The following DEPDC5 variants were observed in gnomAD, a reference collection of about 807,000 sequenced individuals.
DEPDC5 encodes GATOR1 complex protein DEPDC5.
DEPDC5 carries 73 observed loss-of-function variants against 217.3 expected under a neutral mutation model. That is an observed-to-expected ratio of 0.34 (90% confidence interval 0.28 to 0.41). DEPDC5 has a LOEUF of 0.41. Ranked by LOEUF, DEPDC5 falls within the 10% of genes least tolerant of loss-of-function variation. The probability of loss-of-function intolerance (pLI) is 1.00; values close to 1 mark genes in which losing one functional copy is unlikely to be tolerated. For synonymous variants in DEPDC5, 733 were observed against 756.7 expected, an observed-to-expected ratio of 0.97 and a Z score of 0.51; for missense variants, 1,675 against 2,070.1, an observed-to-expected ratio of 0.81 and a Z score of 3.70.
chr22:31,870,865 C>T (rs997938623), intron 34 of DEPDC5, 121 bp downstream of exon 34: 58 of 1,145,488 alleles, frequency 5.1e-5, no homozygotes, highest in Admixed American at 7.5e-5. Context: ...AAGTCACATG[C>T]GACCCTGGGC....
intron 27 of DEPDC5, among the ~76,000 whole-genome samples, chr22:31,841,364 GA>G (rs1294175116): frequency 1.3e-5 from 2 of 152,220 alleles, no homozygotes; most frequent in East Asian, 3.8e-4. Context: ...TCTCAGAGCT[GA>G]ATGAGTGTTA....
At position 31,879,636 on chromosome 22, in the gene DEPDC5, C is replaced by CT; in HGVS notation, c.3918dup (p.Glu1307Ter). 1 of 1,614,130 alleles carries CT rather than the reference C, an allele frequency of 6.2e-7. No individual in the cohort carries two copies. Among genetic ancestry groups the CT allele is most frequent in the Non-Finnish European group, 8.5e-7 (1 of 1,180,028 alleles). On this transcript the variant is annotated frameshift_variant, in exon 38 of 43. Coordinates refer to ENST00000651528, the MANE Select transcript of DEPDC5 (RefSeq NM_001242896.3). LOFTEE classifies it high-confidence loss of function. ...TTTGTGGCAGAAGAGCTCGTGCACT[C>CT]TGAGATTCCTGCCTTTCTCCTGCCC... is the stretch of plus-strand genomic sequence containing the variant.
At chr22:31,862,691 G>A (rs2092558352) in intron 33 of DEPDC5, among the ~76,000 whole-genome samples, 1 of 152,214 alleles carries the variant, frequency 6.6e-6, no homozygotes, top group Admixed American at 6.5e-5. Flanking sequence ...CACTGGGAGG[G>A]TAAGGGTTTA....
chr22:31,836,109 CAACCAGGGAGGATTTTCCT>C (rs1437443366), intron 25 of DEPDC5, among the ~76,000 whole-genome samples: 2 of 152,250 alleles, frequency 1.3e-5, no homozygotes, highest in South Asian at 2.1e-4. Context: ...CAGTGAAGCT[CAACCAGGGAGGATTTTCCT>C]AACCAGGGAG....
rs778100280 is a variant in DEPDC5, at chr22:31,804,833, T to C, written c.1144-9T>C. On this transcript the variant is annotated splice_polypyrimidine_tract_variant and intron_variant, in intron 16 of 42. Transcript: ENST00000651528. ...TAGCTTATCTGTGCTCTCATTTTTC[T>C]CCTTGCAGCTCCATAATCGGAGTGC... 29 of 1,613,446 alleles carry C rather than the reference T, an allele frequency of 1.8e-5. No individual in the cohort carries two copies. The highest frequency in any genetic ancestry group is 2.4e-5 in the Non-Finnish European group (28 of 1,179,530).
chr22:31,805,175 A>C, intron 17 of DEPDC5: 4 of 256,410 alleles, frequency 1.6e-5, no homozygotes, highest in South Asian at 1.1e-4. Flanking sequence ...TCTATTCCCA[A>C]CTCCCACAGA....
intron 38 of DEPDC5, among the ~76,000 whole-genome samples, chr22:31,887,777 T>C (rs2093350629): frequency 6.6e-6 from 1 of 152,196 alleles, no homozygotes; most frequent in Admixed American, 6.5e-5. Flanking sequence ...CTCAGCCCTT[T>C]GTGTTAGGAT....
chr22:31,860,753 C>A (rs2092478350), intron 32 of DEPDC5, among the ~76,000 whole-genome samples: 2 of 151,282 alleles, frequency 1.3e-5, no homozygotes, highest in African/African-American at 4.9e-5. Flanking sequence ...CCCCTGTTTG[C>A]TAAAAAAAAA....
At chr22:31,772,518 A>G (rs1476517114) in intron 7 of DEPDC5, among the ~76,000 whole-genome samples, 2 of 152,156 alleles carry the variant, frequency 1.3e-5, no homozygotes. Flanking sequence ...GTTGGTTTAG[A>G]ATATTCTTCT....
chr22:31,897,739 C>CG, intron 40 of DEPDC5, 86 bp downstream of exon 40: 1 of 1,480,678 alleles, frequency 6.8e-7, no homozygotes, highest in Non-Finnish European at 9.1e-7. Flanking sequence ...CCAGTCAACA[C>CG]GGACTAGGGA....
Position 31,879,081 on chromosome 22 carries a change from C to T in DEPDC5, c.3806-444C>T, listed in dbSNP as rs571767007. On this transcript the variant is annotated intron_variant, in intron 37 of 42. Coordinates refer to ENST00000651528, the MANE Select transcript of DEPDC5 (RefSeq NM_001242896.3). ...ATATATATATATACACACACACACA[C>T]GTATATATATATACACATATATATA... Among the ~76,000 whole-genome samples the T allele has an allele frequency of 1.8e-3, 245 of 134,152 alleles. 1 individual carries two copies. The highest frequency in any genetic ancestry group is 7.4e-3 in the African/African-American group (242 of 32,800). 88.0% of individuals were successfully genotyped at this position (134,152 alleles called of 152,430 possible). A position where few individuals can be genotyped will look rare whatever the true frequency, so the allele number is the denominator to read the frequency against.
intron 38 of DEPDC5, among the ~76,000 whole-genome samples, chr22:31,885,684 C>T (rs1043253136): frequency 5.4e-5 from 8 of 147,442 alleles, no homozygotes; most frequent in Admixed American, 3.5e-4. Flanking sequence ...GAGATCATGC[C>T]GCTGCACTCC....
At chr22:31,805,378 C>T (rs977722134) in intron 17 of DEPDC5, among the ~76,000 whole-genome samples, 2 of 152,162 alleles carry the variant, frequency 1.3e-5, no homozygotes, top group African/African-American at 4.8e-5. Flanking sequence ...TGCCTATTTT[C>T]TTCCAAGATC....
chr22:31,883,264 A>C (rs1486256592), intron 38 of DEPDC5, among the ~76,000 whole-genome samples: 1 of 152,150 alleles, frequency 6.6e-6, no homozygotes. Flanking sequence ...TTAGAGCAAA[A>C]CCTGAGAGGC....
intron 33 of DEPDC5, 92 bp from the exon 34 acceptor site, chr22:31,870,498 C>A (rs1007165218): frequency 3.1e-6 from 4 of 1,310,692 alleles, no homozygotes; most frequent in Non-Finnish European, 4.0e-6. Context: ...TTTGTGAATG[C>A]TTACTGAGTG....
intron 33 of DEPDC5, among the ~76,000 whole-genome samples, chr22:31,862,972 G>A (rs559444317): frequency 2.6e-5 from 4 of 151,958 alleles, no homozygotes; most frequent in South Asian, 2.1e-4. Context: ...CAGCCTCAGC[G>A]TCCCAAGTAG....
chr22:31,778,910 C>A (rs961295155), intron 8 of DEPDC5, among the ~76,000 whole-genome samples: 4 of 152,152 alleles, frequency 2.6e-5, no homozygotes, highest in Non-Finnish European at 5.9e-5. Flanking sequence ...TTGGTTGTCA[C>A]AACTGAGGGG....
chr22:31,885,976 T>G (rs2093300866), intron 38 of DEPDC5, among the ~76,000 whole-genome samples: 1 of 149,906 alleles, frequency 6.7e-6, no homozygotes, highest in Non-Finnish European at 1.5e-5. Context: ...GAGGTTGCAT[T>G]GAGCCAAGAT....
chr22:31,770,149 G>A (rs1244319370), intron 7 of DEPDC5, among the ~76,000 whole-genome samples: 3 of 151,154 alleles, frequency 2.0e-5, no homozygotes, highest in East Asian at 2.0e-4. Context: ...TGGGAGGATC[G>A]CCTGAGCCCT....
Sources: gnomAD v4.1 joint callset for allele counts (sites outside exome capture counted in the v4.1 genomes callset) on GRCh38, gnomAD v4.1.1 for gene constraint, MANE v1.5 for transcripts, NCBI Gene and HGNC (gene_info 2026-07-23, HGNC 2026-07-21) for gene names.